SREBF2: variants seen among roughly 807,000 people sequenced by gnomAD.
SREBF2 encodes the protein sterol regulatory element-binding protein 2.
In SREBF2, 55 loss-of-function variants were observed where a neutral mutation model predicts 113.1. The ratio of observed to expected loss-of-function variants is 0.49; its 90% confidence interval spans 0.39 to 0.61. The LOEUF (loss-of-function observed/expected upper bound fraction) is 0.61, where lower values mean the gene tolerates loss of function less well. Ranked by LOEUF, SREBF2 falls within the 20% of genes least tolerant of loss-of-function variation. The probability of loss-of-function intolerance (pLI) is 0.00; values close to 1 mark genes in which losing one functional copy is unlikely to be tolerated. For synonymous variants in SREBF2, 593 were observed against 605.7 expected (o/e 0.98, Z 0.31); for missense variants, 1,349 against 1,487.4 (o/e 0.91, Z 1.53).
In SREBF2 at chr22:41,866,852, A is replaced by G; in HGVS notation, c.110A>G (p.Asn37Ser). The G allele has an allele frequency of 6.2e-7, 1 of 1,614,234 alleles. No individual in the cohort carries two copies. The highest frequency in any genetic ancestry group is 8.5e-7 in the Non-Finnish European group (1 of 1,180,038). ...ACAGAGATGCTGCAATTTGTCAGTAATCAAGTGGGAGAGTTCCCTGACTTG... is the reference window on the plus strand; with the variant it reads ...ACAGAGATGCTGCAATTTGTCAGTAGTCAAGTGGGAGAGTTCCCTGACTTG... ...DIDEMLQFVS[N>S]QVGEFPDLFS... The change falls in exon 2 of 19, where the codon AAT becomes AGT. Residue 37 changes from asparagine to serine, a missense_variant. Asn to Ser is a conservative substitution (Grantham distance 46). Around this residue, in one of 2 missense-constraint regions of SREBF2, gnomAD observed 699 missense variants for 843.3 expected, o/e 0.83. Transcript: ENST00000361204.
chr22:41,850,123 G>A (rs1195919251), intron 1 of SREBF2, among the ~76,000 whole-genome samples: 1 of 148,546 alleles, frequency 6.7e-6, no homozygotes, highest in Non-Finnish European at 1.5e-5. Flanking sequence ...CTGGGTGACA[G>A]AGTGAGACTC....
At chr22:41,862,574 T>C (rs2077036818) in intron 1 of SREBF2, among the ~76,000 whole-genome samples, 1 of 152,202 alleles carries the variant, frequency 6.6e-6, no homozygotes, top group African/African-American at 2.4e-5. Context: ...TTCATGGCTC[T>C]CTGTGGAAAT....
At chr22:41,904,327 T>C (rs1838955706) in intron 17 of SREBF2, among the ~76,000 whole-genome samples, 1 of 152,108 alleles carries the variant, frequency 6.6e-6, no homozygotes, top group Non-Finnish European at 1.5e-5. Context: ...CAAAAAGAGC[T>C]TGAGATTTTA....
At chr22:41,857,180 G>A (rs1317525000) in intron 1 of SREBF2, among the ~76,000 whole-genome samples, 1 of 152,206 alleles carries the variant, frequency 6.6e-6, no homozygotes, top group African/African-American at 2.4e-5. Flanking sequence ...AAGGCAGAGT[G>A]TGGACGGGAG....
At chr22:41,864,384 G>A (rs774797809) in intron 1 of SREBF2, among the ~76,000 whole-genome samples, 58 of 134,438 alleles carry the variant, frequency 4.3e-4, no homozygotes, top group Non-Finnish European at 8.1e-4. Context: ...GCAGTGGCAC[G>A]ATCTCTGCTC....
chr22:41,833,449 C>G lies in SREBF2; in HGVS notation c.88+91C>G. ...GGGTGCGCGTGCGCCCACCCCCCGA[C>G]AGCCCCGGTTCGCGCGGGAAGAACC... On this transcript the variant is annotated intron_variant, in intron 1 of 18. Coordinates refer to ENST00000361204, the MANE Select transcript of SREBF2 (RefSeq NM_004599.4). This position sits in a 1 kb window ranked among gnomAD's most constrained non-coding sequence, Gnocchi z 4.1. 1 of 1,175,704 alleles carries G rather than the reference C, an allele frequency of 8.5e-7. No individual in the cohort carries two copies. The highest frequency in any genetic ancestry group is 2.9e-5 in the East Asian group (1 of 34,886). The allele number at this position is 1,175,704 out of a possible 1,614,324, so 72.8% of individuals were successfully genotyped here. A position where few individuals can be genotyped will look rare whatever the true frequency, so the allele number is the denominator to read the frequency against.
intron 10 of SREBF2, 141 bp from the exon 11 acceptor site, chr22:41,884,701 C>G: frequency 1.2e-6 from 1 of 856,492 alleles, no homozygotes; most frequent in South Asian, 1.4e-5. Context: ...GCATCCCATC[C>G]TGTGATCAGG....
intron 2 of SREBF2, among the ~76,000 whole-genome samples, chr22:41,867,919 C>G (rs2148378408): frequency 6.6e-6 from 1 of 152,348 alleles, no homozygotes; most frequent in East Asian, 1.9e-4. Flanking sequence ...CAGATCTCAG[C>G]TGCCACAGTT....
At chr22:41,877,184 A>G in intron 7 of SREBF2, 45 bp from the exon 8 acceptor site, 1 of 1,587,270 alleles carries the variant, frequency 6.3e-7, no homozygotes, top group South Asian at 1.1e-5. Flanking sequence ...AGTGCTGTAA[A>G]AACCTATGCA....
At chr22:41,849,253 C>T (rs929755656) in intron 1 of SREBF2, among the ~76,000 whole-genome samples, 7 of 152,116 alleles carry the variant, frequency 4.6e-5, no homozygotes, top group South Asian at 2.1e-4. Context: ...AGTGCAATGG[C>T]GCGATCTCAG....
In SREBF2 at chr22:41,833,369, G is replaced by C. The variant is rs1192910645; in HGVS notation, c.88+11G>C. Reference sequence around the variant, plus strand: ...TGGGAGACATCGACGGTGAGTGGTGGGTGGGTGGGAGTGCGGGGGCCGCGC... The same window carrying C: ...TGGGAGACATCGACGGTGAGTGGTGCGTGGGTGGGAGTGCGGGGGCCGCGC... On this transcript the variant is annotated intron_variant, in intron 1 of 18. Transcript: ENST00000361204. The surrounding 1 kb of genome is among the most constrained non-coding windows in gnomAD (Gnocchi z 4.1). 2 of 1,518,754 alleles carry C rather than the reference G, an allele frequency of 1.3e-6. No homozygotes were observed. The highest frequency in any genetic ancestry group is 2.0e-5 in the Admixed American group (1 of 49,322). The allele number at this position is 1,518,754 out of a possible 1,614,324, so 94.1% of individuals were successfully genotyped here.
chr22:41,895,140 GTTTT>G (rs371294741), intron 13 of SREBF2, among the ~76,000 whole-genome samples: 1 of 138,142 alleles, frequency 7.2e-6, no homozygotes, highest in Non-Finnish European at 1.6e-5. Flanking sequence ...GACCAAGTGC[GTTTT>G]TTTTTTTTTT....
chr22:41,877,405 C>T lies in SREBF2; in HGVS notation c.1563C>T (p.Val521=). The change falls in exon 8 of 19, where the codon GTC becomes GTT. Residue 521 remains valine (V), a synonymous_variant. Coordinates refer to ENST00000361204, the MANE Select transcript of SREBF2 (RefSeq NM_004599.4). ...CACACTCAGGCTCTGGCCGCAGTGT[C>T]CTGTCATTCGAGTCAGGTAGGTGGA... ...QHPHSGSGRS[V]LSFESGSGGW... 1 of 1,614,214 alleles carries T rather than the reference C, an allele frequency of 6.2e-7. No homozygotes were observed. The highest frequency in any genetic ancestry group is 1.3e-5 in the African/African-American group (1 of 75,060).
At position 41,905,866 on chromosome 22, in the gene SREBF2, G is replaced by A. The variant is rs183045818; in HGVS notation, c.*206G>A. On this transcript the variant is annotated 3_prime_UTR_variant, in exon 19 of 19. Transcript: ENST00000361204. ...GCCCATGGTCCAGGGCCTGGTGGGC[G>A]TGAGAGGATAGGTGGCAGGGCAGAA... is the stretch of plus-strand genomic sequence containing the variant. 1.2e-3 allele frequency: 867 copies of A among 718,216 alleles called. 9 individuals carry two copies. Among genetic ancestry groups the A allele is most frequent in the African/African-American group, 0.012 (677 of 57,624 alleles). The allele number at this position is 718,216 out of a possible 1,614,324, so 44.5% of individuals were successfully genotyped here. A position where few individuals can be genotyped will look rare whatever the true frequency, so the allele number is the denominator to read the frequency against.
chr22:41,868,512 G>T, intron 2 of SREBF2, 99 bp from the exon 3 acceptor site: 1 of 1,375,094 alleles, frequency 7.3e-7, no homozygotes, highest in Non-Finnish European at 1.0e-6. Context: ...GTGGGGAGTT[G>T]GAATCATTAT....
At chr22:41,883,198 G>C (rs2077266214) in intron 10 of SREBF2, among the ~76,000 whole-genome samples, 1 of 152,192 alleles carries the variant, frequency 6.6e-6, no homozygotes, top group Non-Finnish European at 1.5e-5. Context: ...CAAGGTCAGA[G>C]AGTTGAGGAG....
chr22:41,872,929 G>A (rs537157852), intron 4 of SREBF2, among the ~76,000 whole-genome samples: 1 of 152,108 alleles, frequency 6.6e-6, no homozygotes, highest in South Asian at 2.1e-4. Context: ...AGGACGTGGT[G>A]GCTCACGCCT....
At chr22:41,875,227 G>A (rs2077183748) in intron 5 of SREBF2, 110 bp from the exon 6 acceptor site, 23 of 850,452 alleles carry the variant, frequency 2.7e-5, no homozygotes, top group Middle Eastern at 6.4e-4. Flanking sequence ...ATCTGAACTT[G>A]GTTTCTCCTC....
At chr22:41,881,908 C>CA (rs1168045620) in intron 10 of SREBF2, among the ~76,000 whole-genome samples, 1 of 152,036 alleles carries the variant, frequency 6.6e-6, no homozygotes, top group Non-Finnish European at 1.5e-5. Flanking sequence ...CCCATTTCTA[C>CA]AAAAAATACA....
Sources: allele counts gnomAD v4.1 joint callset (sites outside exome capture counted in the v4.1 genomes callset), GRCh38; gene constraint gnomAD v4.1.1; regional missense constraint gnomAD v4.1.1; non-coding constraint Gnocchi (gnomAD v3.1); transcripts MANE v1.5; gene names NCBI Gene and HGNC (gene_info 2026-07-23, HGNC 2026-07-21).